DNAH9: variants seen among roughly 807,000 people sequenced by gnomAD.
The protein encoded by DNAH9 is dynein axonemal heavy chain 9, also known as DNAH9 variant protein.
In DNAH9, 345 loss-of-function variants were observed where a neutral mutation model predicts 471.6. That is an observed-to-expected ratio of 0.73 (90% CI 0.67 to 0.80). DNAH9 has a LOEUF of 0.80. DNAH9 is among the 30% of genes least tolerant of loss of function. The pLI is 0.00. For missense variants in DNAH9, 5,407 were observed against 5,609.2 expected (o/e 0.96, Z 1.15); for synonymous variants, 2,093 against 2,123.6 (o/e 0.99, Z 0.40).
intron 27 of DNAH9, among the ~76,000 whole-genome samples, chr17:11,719,693 T>C (rs2075022232): frequency 6.6e-6 from 1 of 152,200 alleles, no homozygotes; most frequent in African/African-American, 2.4e-5. Context: ...AAGGCTTTCA[T>C]GTGATGAGGA....
At chr17:11,705,265 C>A in intron 26 of DNAH9, 80 bp downstream of exon 26, 1 of 1,247,370 alleles carries the variant, frequency 8.0e-7, no homozygotes, top group Non-Finnish European at 1.2e-6. Context: ...GTCAAAGTCC[C>A]TGTCACTTGC....
chr17:11,957,590 A>G (rs932395185), intron 67 of DNAH9, among the ~76,000 whole-genome samples: 7 of 148,672 alleles, frequency 4.7e-5, no homozygotes, highest in Non-Finnish European at 1.0e-4. Context: ...AAAAGCCAGC[A>G]AGCCAGAAAT....
chr17:11,839,178 A>G (rs531305595), intron 49 of DNAH9, among the ~76,000 whole-genome samples: 6 of 152,262 alleles, frequency 3.9e-5, no homozygotes, highest in South Asian at 2.1e-4. Context: ...CAGTGAACTT[A>G]TTTCTTCTTA....
At chr17:11,868,205 G>A (rs1363823284) in intron 50 of DNAH9, among the ~76,000 whole-genome samples, 1 of 152,186 alleles carries the variant, frequency 6.6e-6, no homozygotes, top group Admixed American at 6.5e-5. Context: ...AGTGTAGGAG[G>A]TAAATGAGCA....
intron 39 of DNAH9, 110 bp downstream of exon 39, chr17:11,781,284 C>T: frequency 8.5e-7 from 1 of 1,180,384 alleles, no homozygotes; most frequent in African/African-American, 1.5e-5. Flanking sequence ...GCTCTGGTGC[C>T]AGATGGGAAT....
chr17:11,610,094 A>G (rs114755675), intron 2 of DNAH9, among the ~76,000 whole-genome samples: 5,950 of 152,328 alleles, frequency 0.039, 400 homozygotes, highest in African/African-American at 0.13. Context: ...TTGGCAGGAC[A>G]ACGTACTGGC....
intron 61 of DNAH9, among the ~76,000 whole-genome samples, chr17:11,909,877 C>G (rs1973735384): frequency 6.6e-6 from 1 of 152,308 alleles, no homozygotes; most frequent in African/African-American, 2.4e-5. Flanking sequence ...TTTTGAAACC[C>G]TACATCCACT....
Position 11,652,903 on chromosome 17 carries a change from A to G in DNAH9, c.2496A>G (p.Lys832=), listed in dbSNP as rs1175989804. ...CAATATTTAAGACAAAAGATGGAAA[A>G]AGGGAATCCCTTCTTTCTCTGGATG... ...VTPIFKTKDG[K]RESLLSLDDR... is the part of the protein sequence containing the mutation. The change falls in exon 14 of 69, where the codon AAA becomes AAG. Residue 832 remains lysine, a synonymous_variant. Transcript: ENST00000262442. 1 of 1,614,090 alleles carries G rather than the reference A, an allele frequency of 6.2e-7. No homozygotes were observed. The highest frequency in any genetic ancestry group is 8.5e-7 in the Non-Finnish European group (1 of 1,179,952).
At chr17:11,781,844 C>CAAAAA (rs199979366) in intron 39 of DNAH9, among the ~76,000 whole-genome samples, 1 of 114,284 alleles carries the variant, frequency 8.8e-6, no homozygotes, top group Non-Finnish European at 1.8e-5. Context: ...AAAAAAAAAA[C>CAAAAA]AAACAAAAAA....
At chr17:11,677,822 T>C (rs903139863) in intron 17 of DNAH9, among the ~76,000 whole-genome samples, 4 of 152,064 alleles carry the variant, frequency 2.6e-5, no homozygotes, top group Non-Finnish European at 5.9e-5. Context: ...GCTGTTCTAA[T>C]GCTTACCACT....
intron 43 of DNAH9, 139 bp downstream of exon 43, chr17:11,797,932 T>C: frequency 1.2e-6 from 1 of 832,114 alleles, no homozygotes; most frequent in East Asian, 2.7e-5. Flanking sequence ...AGATGGCTGC[T>C]GGCAGAGCAG....
chr17:11,849,599 C>T (rs1295785552), intron 49 of DNAH9, among the ~76,000 whole-genome samples: 1 of 152,210 alleles, frequency 6.6e-6, no homozygotes, highest in African/African-American at 2.4e-5. Flanking sequence ...AGTCTTCCTG[C>T]AGTCTGTAGA....
intron 61 of DNAH9, among the ~76,000 whole-genome samples, chr17:11,917,732 G>A (rs10401013): frequency 0.18 from 26,749 of 152,158 alleles, 2,459 homozygotes; most frequent in East Asian, 0.27. Flanking sequence ...TTGAAAAGCC[G>A]AGAGTACAGT....
intron 67 of DNAH9, among the ~76,000 whole-genome samples, chr17:11,950,190 C>T (rs1435479541): frequency 6.6e-6 from 1 of 152,182 alleles, no homozygotes; most frequent in Non-Finnish European, 1.5e-5. Flanking sequence ...AAATTCCCCA[C>T]CAGAGTGGTA....
chr17:11,967,010 G>A (rs1462991990), intron 68 of DNAH9, among the ~76,000 whole-genome samples: 1 of 145,488 alleles, frequency 6.9e-6, no homozygotes, highest in African/African-American at 2.6e-5. Flanking sequence ...ACTCCAGCCT[G>A]GGCAACAGAG....
chr17:11,679,564 C>T (rs1467295016), intron 17 of DNAH9, among the ~76,000 whole-genome samples, 193 bp from the exon 18 acceptor site: 4 of 152,194 alleles, frequency 2.6e-5, no homozygotes, highest in African/African-American at 4.8e-5. Context: ...CTTTGCCATT[C>T]GTAACCTTAA....
At chr17:11,787,543 C>T (rs1470927396) in intron 41 of DNAH9, among the ~76,000 whole-genome samples, 1 of 152,184 alleles carries the variant, frequency 6.6e-6, no homozygotes, top group Non-Finnish European at 1.5e-5. Flanking sequence ...GCCCAGAGAA[C>T]ACTGTTGTTT....
rs1007785141 is a variant in DNAH9 at position 11,888,190 on chromosome 17, T to C, written c.11112+1225T>C. 1.1e-4 allele frequency among the ~76,000 whole-genome samples: 16 copies of C among 151,974 alleles called. No homozygotes were observed. In the South Asian group the frequency reaches 1.2e-3, roughly 12 times the overall value. ...TAGTAGAGACGGGGTTTCACTGTGTTAGCCAGGATGGTCTCGATCTCCGGA... is the reference window on the plus strand; with the variant it reads ...TAGTAGAGACGGGGTTTCACTGTGTCAGCCAGGATGGTCTCGATCTCCGGA... On this transcript the variant is annotated intron_variant, in intron 57 of 68. Transcript: ENST00000262442.
In DNAH9 at chr17:11,598,901, G is replaced by A. The variant is rs750536301; in HGVS notation, c.403G>A (p.Ala135Thr). Reference protein sequence around the residue: ...LPAAPLEHLAALFSEVVLPVL... With the variant: ...LPAAPLEHLATLFSEVVLPVL... ...CGCGGCACCTCTGGAGCACCTAGCC[G>A]CGCTGTTCTCGGAGGTGAGGGTGGG... The change falls in exon 1 of 69, where the codon GCG becomes ACG. Residue 135 changes from alanine to threonine, a missense_variant. By Grantham distance (58) the Ala-to-Thr change is moderately conservative. Coordinates refer to ENST00000262442, the MANE Select transcript of DNAH9 (RefSeq NM_001372.4). The A allele has an allele frequency of 2.6e-6, 4 of 1,535,918 alleles. No individual in the cohort carries two copies. In the Admixed American group the frequency reaches 5.6e-5, roughly 22 times the overall value.
Sources: gnomAD v4.1 joint callset for allele counts (sites outside exome capture counted in the v4.1 genomes callset) on GRCh38, gnomAD v4.1.1 for gene constraint, MANE v1.5 for transcripts, NCBI Gene and HGNC (gene_info 2026-07-23, HGNC 2026-07-21) for gene names.